LHFPL6: variants seen among roughly 807,000 people sequenced by gnomAD.
LHFPL6 encodes LHFPL tetraspan subfamily member 6.
Under a neutral mutation model 20.6 loss-of-function variants are expected in LHFPL6, and 9 were observed. The observed-to-expected ratio is 0.44, with a 90% confidence interval of 0.26 to 0.76. The LOEUF (loss-of-function observed/expected upper bound fraction) is 0.76. LHFPL6 is among the 30% of genes least tolerant of loss of function. The probability of loss-of-function intolerance (pLI) is 0.20; values close to 1 mark genes in which losing one functional copy is unlikely to be tolerated. For missense variants in LHFPL6, 218 were observed against 253.5 expected, an observed-to-expected ratio of 0.86 and a Z score of 0.95; for synonymous variants, 105 against 98.7, an observed-to-expected ratio of 1.06 and a Z score of -0.38.
intron 2 of LHFPL6, among the ~76,000 whole-genome samples, chr13:39,479,165 A>C (rs1381837380): frequency 6.9e-6 from 1 of 143,992 alleles, no homozygotes; most frequent in African/African-American, 2.6e-5. Flanking sequence ...ATCTGTATAT[A>C]TACAATTCTC....
chr13:39,542,783 G>A (rs528157272), intron 2 of LHFPL6, among the ~76,000 whole-genome samples: 9 of 152,192 alleles, frequency 5.9e-5, no homozygotes, highest in African/African-American at 1.9e-4. Context: ...TGTCGAGCCC[G>A]TTATGTGCTA....
At chr13:39,414,988 A>C (rs1326798400) in intron 2 of LHFPL6, among the ~76,000 whole-genome samples, 1 of 152,172 alleles carries the variant, frequency 6.6e-6, no homozygotes, top group African/African-American at 2.4e-5. Context: ...CTTTTTCCTA[A>C]ACACACAATG....
chr13:39,581,914 C>A (rs993369734), intron 2 of LHFPL6, among the ~76,000 whole-genome samples: 1 of 152,154 alleles, frequency 6.6e-6, no homozygotes, highest in Non-Finnish European at 1.5e-5. Context: ...AATTCAAAAG[C>A]CATGTGTTTT....
chr13:39,454,823 T>C (rs1384285796), intron 2 of LHFPL6, among the ~76,000 whole-genome samples: 2 of 152,206 alleles, frequency 1.3e-5, no homozygotes, highest in Non-Finnish European at 2.9e-5. Context: ...GTCTTCCTAC[T>C]GATACATTTA....
chr13:39,362,388 G>A (rs1869896961), intron 3 of LHFPL6, among the ~76,000 whole-genome samples: 1 of 152,210 alleles, frequency 6.6e-6, no homozygotes, highest in African/African-American at 2.4e-5. Flanking sequence ...TTCCTCCACA[G>A]CCTGTGGAAC....
intron 2 of LHFPL6, among the ~76,000 whole-genome samples, chr13:39,570,039 T>C (rs1357823938): frequency 6.6e-6 from 1 of 152,204 alleles, no homozygotes; most frequent in Non-Finnish European, 1.5e-5. Flanking sequence ...AATATCTATA[T>C]ACAAGGGAAA....
At chr13:39,451,958 G>T (rs1323746426) in intron 2 of LHFPL6, among the ~76,000 whole-genome samples, 1 of 152,158 alleles carries the variant, frequency 6.6e-6, no homozygotes, top group Non-Finnish European at 1.5e-5. Context: ...GCGCATGCAC[G>T]TGCATAAGAC....
intron 2 of LHFPL6, among the ~76,000 whole-genome samples, chr13:39,406,255 A>G (rs1593300483): frequency 6.6e-6 from 1 of 152,202 alleles, no homozygotes; most frequent in East Asian, 1.9e-4. Context: ...GATAGTATCA[A>G]TGTATGACTT....
chr13:39,380,985 T>C (rs1043953653), intron 2 of LHFPL6, among the ~76,000 whole-genome samples: 3 of 152,134 alleles, frequency 2.0e-5, no homozygotes, highest in Non-Finnish European at 4.4e-5. Context: ...GTGAGTTGTA[T>C]ATTTATTTCA....
chr13:39,465,497 T>TA (rs1307617756), intron 2 of LHFPL6, among the ~76,000 whole-genome samples: 2 of 152,154 alleles, frequency 1.3e-5, no homozygotes, highest in African/African-American at 4.8e-5. Flanking sequence ...ATTTTAGGTT[T>TA]AAAAATTAGA....
chr13:39,509,936 T>A (rs1869629994), intron 2 of LHFPL6, among the ~76,000 whole-genome samples: 1 of 152,040 alleles, frequency 6.6e-6, no homozygotes, highest in African/African-American at 2.4e-5. Context: ...TGAGACCTGG[T>A]CTCAAAAAAA....
At chr13:39,355,099 T>G (rs536529473) in intron 3 of LHFPL6, among the ~76,000 whole-genome samples, 1 of 148,244 alleles carries the variant, frequency 6.7e-6, no homozygotes, top group East Asian at 2.0e-4. Context: ...GATCAGACTC[T>G]CCAAGGTTGA....
At chr13:39,467,552 G>A (rs1414017122) in intron 2 of LHFPL6, among the ~76,000 whole-genome samples, 1 of 152,042 alleles carries the variant, frequency 6.6e-6, no homozygotes, top group South Asian at 2.1e-4. Context: ...ACTGGATAAA[G>A]CTGTTCTCTG....
intron 2 of LHFPL6, among the ~76,000 whole-genome samples, chr13:39,427,035 CTTAA>C (rs1295569154): frequency 6.6e-6 from 1 of 150,484 alleles, no homozygotes; most frequent in East Asian, 2.0e-4. Flanking sequence ...ACTGAATTGC[CTTAA>C]TTGCCTTTGC....
At chr13:39,445,966 G>A (rs935779543) in intron 2 of LHFPL6, among the ~76,000 whole-genome samples, 1 of 152,144 alleles carries the variant, frequency 6.6e-6, no homozygotes, top group African/African-American at 2.4e-5. Flanking sequence ...CCACAAAAAA[G>A]AGCTAATAAT....
chr13:39,460,649 T>C (rs1248744973), intron 2 of LHFPL6, among the ~76,000 whole-genome samples: 2 of 152,142 alleles, frequency 1.3e-5, no homozygotes, highest in East Asian at 3.9e-4. Flanking sequence ...ATTTTGAGAG[T>C]CATGCTCCTT....
intron 2 of LHFPL6, among the ~76,000 whole-genome samples, chr13:39,462,179 G>A (rs1872705195): frequency 6.6e-6 from 1 of 152,072 alleles, no homozygotes; most frequent in South Asian, 2.1e-4. Context: ...CTCTTATTAG[G>A]TCTCTCTTCA....
rs751578280 is a variant in LHFPL6 at position 39,465,401 on chromosome 13, A to T, written c.386-86875T>A. 2.0e-5 allele frequency among the ~76,000 whole-genome samples: 3 copies of T among 152,054 alleles called. No individual in the cohort carries two copies. The South Asian group carries it at 6.2e-4, about 32-fold the overall frequency. Reference sequence around the variant, plus strand: ...TTCTAGGCTCTTGCCTGTCTCTGTGACCTCCAAATAACTCATTCCCCTAAT... The same window carrying T: ...TTCTAGGCTCTTGCCTGTCTCTGTGTCCTCCAAATAACTCATTCCCCTAAT... On this transcript the variant is annotated intron_variant, in intron 2 of 3. Transcript: ENST00000379589.
At chr13:39,353,445 G>A (rs1020914951) in intron 3 of LHFPL6, among the ~76,000 whole-genome samples, 10 of 151,970 alleles carry the variant, frequency 6.6e-5, no homozygotes, top group Non-Finnish European at 7.4e-5. Flanking sequence ...GCTACTTTGC[G>A]GCCGGGCGCG....
Sources: gnomAD v4.1 joint callset for allele counts (sites outside exome capture counted in the v4.1 genomes callset) on GRCh38, gnomAD v4.1.1 for gene constraint, MANE v1.5 for transcripts, NCBI Gene and HGNC (gene_info 2026-07-23, HGNC 2026-07-21) for gene names.